The following RGS22 variants were observed in gnomAD, a reference collection of about 807,000 sequenced individuals.
The protein encoded by RGS22 is regulator of G protein signaling 22, also known as regulator of G-protein signaling 22.
RGS22 carries 148 observed loss-of-function variants against 172.9 expected under a neutral mutation model. The ratio of observed to expected loss-of-function variants is 0.86; its 90% CI spans 0.75 to 0.98. RGS22 has a LOEUF of 0.98. Ranked by LOEUF, RGS22 falls within the 50% of genes least tolerant of loss-of-function variation. The pLI is 0.00. For synonymous variants in RGS22, 458 were observed against 480.2 expected, an observed-to-expected ratio of 0.95 and a Z score of 0.60; for missense variants, 1,347 against 1,440.8, an observed-to-expected ratio of 0.93 and a Z score of 1.05.
At chr8:100,012,472 T>G (rs1816491505) in intron 14 of RGS22, among the ~76,000 whole-genome samples, 1 of 152,036 alleles carries the variant, frequency 6.6e-6, no homozygotes, top group African/African-American at 2.4e-5. Flanking sequence ...GTTTCAACAT[T>G]TTGGGAGGCC....
chr8:99,980,606 C>G (rs1812448081), intron 22 of RGS22, among the ~76,000 whole-genome samples: 1 of 152,110 alleles, frequency 6.6e-6, no homozygotes, highest in Non-Finnish European at 1.5e-5. Flanking sequence ...GATGTGGCCC[C>G]TAAATAAAGA....
At chr8:100,021,993 T>A (rs546062936) in intron 14 of RGS22, among the ~76,000 whole-genome samples, 1 of 152,200 alleles carries the variant, frequency 6.6e-6, no homozygotes, top group East Asian at 1.9e-4. Context: ...CAATCCAATC[T>A]TTTTTTCTGC....
At chr8:100,016,860 A>G (rs1817022534) in intron 14 of RGS22, among the ~76,000 whole-genome samples, 1 of 151,904 alleles carries the variant, frequency 6.6e-6, no homozygotes, top group African/African-American at 2.4e-5. Context: ...GCACATGTAT[A>G]CATATGTAAC....
At chr8:100,089,019 T>A (rs1301401237) in intron 3 of RGS22, among the ~76,000 whole-genome samples, 2 of 151,876 alleles carry the variant, frequency 1.3e-5, no homozygotes, top group African/African-American at 4.8e-5. Flanking sequence ...GATGTTGAAA[T>A]AAAAACAGAA....
At chr8:100,033,395 T>C (rs1459898830) in intron 14 of RGS22, among the ~76,000 whole-genome samples, 2 of 151,996 alleles carry the variant, frequency 1.3e-5, no homozygotes, top group East Asian at 1.9e-4. Context: ...AACGCCTCTA[T>C]GCAAATAAAC....
chr8:100,057,850 C>A (rs938733364), intron 9 of RGS22, among the ~76,000 whole-genome samples: 2 of 152,074 alleles, frequency 1.3e-5, no homozygotes, highest in Non-Finnish European at 2.9e-5. Context: ...GAAAAAACAA[C>A]CTCACCAAAT....
At chr8:99,962,098 T>G (rs1173458937) in intron 27 of RGS22, among the ~76,000 whole-genome samples, 1 of 152,092 alleles carries the variant, frequency 6.6e-6, no homozygotes, top group Non-Finnish European at 1.5e-5. Context: ...CCTTCTAATA[T>G]TCCCAGCTTA....
intron 6 of RGS22, among the ~76,000 whole-genome samples, chr8:100,071,132 A>C (rs1256780264): frequency 1.2e-4 from 19 of 152,020 alleles, no homozygotes. Flanking sequence ...AAAATGCAAA[A>C]AAAAAGTTAG....
chr8:100,057,631 C>T (rs987261960), intron 9 of RGS22, among the ~76,000 whole-genome samples: 3 of 152,180 alleles, frequency 2.0e-5, no homozygotes, highest in Admixed American at 6.5e-5. Context: ...GCTGTCTTGC[C>T]TGCTGCCATG....
chr8:99,974,521 C>T (rs946275244), intron 23 of RGS22, among the ~76,000 whole-genome samples: 5 of 152,070 alleles, frequency 3.3e-5, no homozygotes, highest in South Asian at 2.1e-4. Context: ...GATATAAGGC[C>T]GGGTGCAGTG....
At position 100,071,833 on chromosome 8, in the gene RGS22, T is replaced by C. The variant is rs1811003574; in HGVS notation, c.426-296A>G. Among the ~76,000 whole-genome samples, 3 of 152,342 alleles carry C rather than the reference T, an allele frequency of 2.0e-5. No individual in the cohort carries two copies. The South Asian group carries it at 6.2e-4, about 32-fold the overall frequency. On this transcript the variant is annotated intron_variant, in intron 5 of 27. Transcript: ENST00000360863. ...CTTGGCTCTGGACTACGGCATTCTA[T>C]GTTTTTCGCGTCACACTAGTATTCA...
Position 100,071,712 on chromosome 8 carries a change from A to G in RGS22, c.426-175T>C, listed in dbSNP as rs2131846321. 2.6e-5 allele frequency among the ~76,000 whole-genome samples: 4 copies of G among 152,288 alleles called. 1 individual carries two copies. The highest frequency in any genetic ancestry group is 2.6e-4 in the Admixed American group (4 of 15,304). ...TCATAAAACTACTAATTAGTTAATAATTATTCATTTTAATTGATTTTGACT... is the reference window on the plus strand; with the variant it reads ...TCATAAAACTACTAATTAGTTAATAGTTATTCATTTTAATTGATTTTGACT... On this transcript the variant is annotated intron_variant, in intron 5 of 27. Coordinates refer to ENST00000360863, the MANE Select transcript of RGS22 (RefSeq NM_015668.5).
At chr8:99,999,453 G>A (rs1814774883) in intron 18 of RGS22, 33 bp from the exon 19 acceptor site, 1 of 1,604,042 alleles carries the variant, frequency 6.2e-7, no homozygotes, top group African/African-American at 1.3e-5. Context: ...AGAAACTATT[G>A]TGCTTTCTAA....
intron 22 of RGS22, among the ~76,000 whole-genome samples, chr8:99,981,322 T>C (rs6468703): frequency 0.25 from 37,621 of 152,076 alleles, 7,024 homozygotes; most frequent in African/African-American, 0.52. Flanking sequence ...CTTAAATCTC[T>C]TCTCACTTAT....
Position 99,961,135 on chromosome 8 carries a change from GACCTTCAAAAAA to G in RGS22, c.*95_*106del. 1 of 448,136 alleles carries G rather than the reference GACCTTCAAAAAA, an allele frequency of 2.2e-6. No homozygotes were observed. The highest frequency in any genetic ancestry group is 4.5e-6 in the Non-Finnish European group (1 of 224,338). The allele number at this position is 448,136 out of a possible 1,614,324, so 27.8% of individuals were successfully genotyped here. A position where few individuals can be genotyped will look rare whatever the true frequency, so the allele number is the denominator to read the frequency against. On this transcript the variant is annotated 3_prime_UTR_variant, in exon 28 of 28. Coordinates refer to ENST00000360863, the MANE Select transcript of RGS22 (RefSeq NM_015668.5). ...TAGATGTTAGGCTTGCTCTGATACA[GACCTTCAAAAAA>G]ACAAATCACTGGAGCTTCTCATGTC... is the stretch of plus-strand genomic sequence containing the variant.
rs1183123611 is a variant in RGS22 at position 100,003,914 on chromosome 8, T to C, written c.2627+12A>G. 4.4e-6 allele frequency: 7 copies of C among 1,594,314 alleles called. No individual in the cohort carries two copies. The highest frequency in any genetic ancestry group is 2.3e-5 in the East Asian group (1 of 44,184). ...ATGTTTTCAGTGAGAAATATATGGT[T>C]ATGTCCCTCACCTTGAAGAATGAGT... On this transcript the variant is annotated intron_variant, in intron 17 of 27. Transcript: ENST00000360863.
At chr8:99,997,879 T>C (rs1475496031) in intron 19 of RGS22, among the ~76,000 whole-genome samples, 2 of 152,184 alleles carry the variant, frequency 1.3e-5, no homozygotes, top group African/African-American at 2.4e-5. Context: ...CAGATCTTTC[T>C]AGGTGTTTTT....
At chr8:100,016,805 AC>A (rs1817014840) in intron 14 of RGS22, among the ~76,000 whole-genome samples, 1 of 151,728 alleles carries the variant, frequency 6.6e-6, no homozygotes, top group Non-Finnish European at 1.5e-5. Context: ...ATAATAATAT[AC>A]CTAATGCTAA....
chr8:100,063,399 T>TA lies in RGS22; in HGVS notation c.1352+16dup, dbSNP rs571524701. The TA allele has an allele frequency of 2.1e-4, 312 of 1,485,066 alleles. 2 individuals carry two copies. The highest frequency in any genetic ancestry group is 6.7e-4 in the Admixed American group (29 of 43,018). The allele number at this position is 1,485,066 out of a possible 1,614,324, so 92.0% of individuals were successfully genotyped here. ...ATTTGTTTTTAAAACTATTGAAAAA[T>TA]AAAAAAATAGAATTACCTTTGATGT... is the stretch of plus-strand genomic sequence containing the variant. On this transcript the variant is annotated intron_variant, in intron 8 of 27. Coordinates refer to ENST00000360863, the MANE Select transcript of RGS22 (RefSeq NM_015668.5).
Sources: allele counts gnomAD v4.1 joint callset (sites outside exome capture counted in the v4.1 genomes callset), GRCh38; gene constraint gnomAD v4.1.1; transcripts MANE v1.5; gene names NCBI Gene and HGNC (gene_info 2026-07-23, HGNC 2026-07-21).